Variants in NYAP2 observed in about 807,000 individuals in gnomAD.
NYAP2 encodes neuronal tyrosine-phosphorylated phosphoinositide-3-kinase adaptor 2, also known as neuronal tyrosine-phosphorylated phosphoinositide-3-kinase adapter 2.
A neutral mutation model predicts 50.4 loss-of-function variants in NYAP2; 23 were observed. The observed-to-expected ratio is 0.46, with a 90% confidence interval of 0.33 to 0.65. The LOEUF (loss-of-function observed/expected upper bound fraction) is 0.65, where lower values mean the gene tolerates loss of function less well. Among genes scored for constraint, NYAP2 ranks in the 30% least tolerant of loss-of-function variants. The pLI, the probability that NYAP2 is intolerant of heterozygous loss-of-function variation, is 0.02. For synonymous variants in NYAP2, 394 were observed against 365.2 expected, an observed-to-expected ratio of 1.08 and a Z score of -0.90; for missense variants, 885 against 861.0, an observed-to-expected ratio of 1.03 and a Z score of -0.35.
In NYAP2 at chr2:225,474,651, C is replaced by T. The variant is rs959358726; in HGVS notation, c.222-38720C>T. ...TATAAGAATCCTTGTGATTTTTGCA[C>T]ATTGATTTTGTATCCTGAGACTTTG... On this transcript the variant is annotated intron_variant, in intron 3 of 6. Coordinates refer to ENST00000636099, the Ensembl canonical transcript of NYAP2. 9.5e-4 allele frequency among the ~76,000 whole-genome samples: 145 copies of T among 152,138 alleles called. 1 individual carries two copies. The highest frequency in any genetic ancestry group is 7.4e-5 in the Non-Finnish European group (5 of 68,024).
chr2:225,446,613 A>G (rs114409978), intron 3 of NYAP2, among the ~76,000 whole-genome samples: 1 of 152,146 alleles, frequency 6.6e-6, no homozygotes, highest in Non-Finnish European at 1.5e-5. Flanking sequence ...GCAAGACCCC[A>G]TACTGTGGCA....
At chr2:225,619,871 TAATAA>T (rs1693058889) in intron 5 of NYAP2, among the ~76,000 whole-genome samples, 5 of 152,186 alleles carry the variant, frequency 3.3e-5, no homozygotes, top group Admixed American at 3.3e-4. Context: ...AATACAAATA[TAATAA>T]AATAATACAT....
At chr2:225,537,941 G>A (rs1168850620) in intron 4 of NYAP2, among the ~76,000 whole-genome samples, 1 of 152,142 alleles carries the variant, frequency 6.6e-6, no homozygotes, top group African/African-American at 2.4e-5. Flanking sequence ...AGTGGCTACA[G>A]GCCCCATGCA....
chr2:225,656,820 C>T (rs966711770), downstream of NYAP2, among the ~76,000 whole-genome samples: 2 of 151,984 alleles, frequency 1.3e-5, no homozygotes, highest in African/African-American at 2.4e-5. Context: ...CAAAGTGAGG[C>T]CCTCAGTCAT....
At chr2:225,474,167 A>C (rs576297507) in intron 3 of NYAP2, among the ~76,000 whole-genome samples, 121 of 152,190 alleles carry the variant, frequency 8.0e-4, no homozygotes, top group African/African-American at 2.8e-3. Flanking sequence ...CCATTGGTCT[A>C]TATCTCTCTT....
intron 3 of NYAP2, among the ~76,000 whole-genome samples, chr2:225,466,534 T>C (rs1689921532): frequency 6.6e-6 from 1 of 152,240 alleles, no homozygotes; most frequent in Admixed American, 6.5e-5. Flanking sequence ...GATTAGGGGT[T>C]ATGCAAAGTT....
intron 6 of NYAP2, among the ~76,000 whole-genome samples, chr2:225,630,525 AG>A (rs1180131116): frequency 6.6e-6 from 1 of 152,190 alleles, no homozygotes; most frequent in African/African-American, 2.4e-5. Flanking sequence ...CTCTGAGTGA[AG>A]GAAAATGGGA....
chr2:225,683,120 C>T, the NYAP2 span, among the ~76,000 whole-genome samples: 2 of 152,182 alleles, frequency 1.3e-5, no homozygotes, highest in East Asian at 1.9e-4. Flanking sequence ...CAAATGCTAT[C>T]GTGGCTTGTG....
intron 4 of NYAP2, among the ~76,000 whole-genome samples, chr2:225,567,808 T>G (rs529622258): frequency 1.3e-5 from 2 of 152,126 alleles, no homozygotes; most frequent in African/African-American, 4.8e-5. Context: ...TTGGCCAGAG[T>G]GAAGGGCATA....
intron 5 of NYAP2, among the ~76,000 whole-genome samples, chr2:225,606,363 C>A (rs556570592): frequency 1.3e-5 from 2 of 152,242 alleles, no homozygotes; most frequent in East Asian, 3.9e-4. Context: ...ATTTTATTTT[C>A]TCCAACAACA....
intron 4 of NYAP2, among the ~76,000 whole-genome samples, chr2:225,568,853 A>G (rs1371154491): frequency 3.3e-5 from 5 of 152,222 alleles, no homozygotes; most frequent in African/African-American, 4.8e-5. Context: ...AGCATTGTAT[A>G]GGAGATATAG....
intron 4 of NYAP2, among the ~76,000 whole-genome samples, chr2:225,564,706 C>T (rs1464869272): frequency 6.6e-6 from 1 of 151,888 alleles, no homozygotes; most frequent in Non-Finnish European, 1.5e-5. Flanking sequence ...AACATGCTCA[C>T]TATCTGCATG....
At chr2:225,621,427 A>G (rs1424039925) in intron 5 of NYAP2, among the ~76,000 whole-genome samples, 1 of 152,186 alleles carries the variant, frequency 6.6e-6, no homozygotes, top group Admixed American at 6.6e-5. Context: ...AATGTAGTCA[A>G]ATTCTTAGAG....
At chr2:225,642,549 G>T (rs1202236083) in intron 6 of NYAP2, among the ~76,000 whole-genome samples, 2 of 152,108 alleles carry the variant, frequency 1.3e-5, no homozygotes, top group Non-Finnish European at 2.9e-5. Context: ...CTTGTGAAAA[G>T]GTATAGCTCT....
intron 6 of NYAP2, among the ~76,000 whole-genome samples, chr2:225,647,264 T>A (rs1181669298): frequency 1.3e-5 from 2 of 152,234 alleles, no homozygotes; most frequent in East Asian, 3.8e-4. Context: ...TTCTGATGGA[T>A]GCTTTGCTTG....
chr2:225,514,888 G>A (rs1574653347), intron 4 of NYAP2, among the ~76,000 whole-genome samples: 1 of 152,056 alleles, frequency 6.6e-6, no homozygotes, highest in African/African-American at 2.4e-5. Context: ...AGAGCCACAT[G>A]GTCCTTTCTT....
intron 2 of NYAP2, among the ~76,000 whole-genome samples, chr2:225,401,963 G>A (rs1283458647): frequency 1.3e-5 from 2 of 151,950 alleles, no homozygotes; most frequent in Non-Finnish European, 2.9e-5. Context: ...GAGAAAGAGT[G>A]AAAATTAACT....
At chr2:225,615,758 C>G (rs1015412729) in intron 5 of NYAP2, among the ~76,000 whole-genome samples, 2 of 152,138 alleles carry the variant, frequency 1.3e-5, no homozygotes, top group African/African-American at 4.8e-5. Flanking sequence ...TTAGAGCCAG[C>G]CAGACAGAGA....
intron 3 of NYAP2, among the ~76,000 whole-genome samples, chr2:225,486,724 G>A (rs189751125): frequency 3.5e-4 from 53 of 152,306 alleles, no homozygotes; most frequent in Non-Finnish European, 1.5e-4. Flanking sequence ...CTTTGTAGGT[G>A]AGTTGGCTGG....
Sources: gnomAD v4.1 joint callset for allele counts (sites outside exome capture counted in the v4.1 genomes callset) on GRCh38, gnomAD v4.1.1 for gene constraint, MANE v1.5 for transcripts, NCBI Gene and HGNC (gene_info 2026-07-23, HGNC 2026-07-21) for gene names.